The following EYA2 variants were observed in gnomAD, a reference collection of about 807,000 sequenced individuals.
EYA2 encodes protein phosphatase EYA2.
A neutral mutation model predicts 69.2 loss-of-function variants in EYA2; 31 were observed. That is an observed-to-expected ratio of 0.45 (90% CI 0.34 to 0.60). The LOEUF (loss-of-function observed/expected upper bound fraction) is 0.60, where lower values mean the gene tolerates loss of function less well. Among genes scored for constraint, EYA2 ranks in the 20% least tolerant of loss-of-function variants. The pLI is 0.02. For synonymous variants in EYA2, 257 were observed against 279.4 expected (o/e 0.92, Z 0.80); for missense variants, 622 against 701.2 (o/e 0.89, Z 1.28).
At chr20:47,179,574 ATGGAAGGGTGGATGGG>A (rs976732632) in intron 12 of EYA2, among the ~76,000 whole-genome samples, 7 of 111,004 alleles carry the variant, frequency 6.3e-5, no homozygotes, top group African/African-American at 4.5e-4. Context: ...GGATGGATGA[ATGGAAGGGTGGATGGG>A]TGGATGGGTG....
chr20:47,109,500 A>G (rs368957245), intron 9 of EYA2, among the ~76,000 whole-genome samples: 9 of 151,972 alleles, frequency 5.9e-5, no homozygotes, highest in African/African-American at 2.2e-4. Flanking sequence ...TATAGGTGAC[A>G]TTGTTTAAAT....
At chr20:46,974,374 T>A (rs1472186379) in intron 1 of EYA2, among the ~76,000 whole-genome samples, 1 of 152,202 alleles carries the variant, frequency 6.6e-6, no homozygotes, top group Non-Finnish European at 1.5e-5. Context: ...ATGCCCTTGC[T>A]CTGTAGACTC....
intron 10 of EYA2, among the ~76,000 whole-genome samples, chr20:47,162,517 CTTT>C (rs10634442): frequency 1.6e-5 from 2 of 121,594 alleles, no homozygotes; most frequent in African/African-American, 3.2e-5. Flanking sequence ...ACACATTATC[CTTT>C]TTTTTTTTTT....
At chr20:47,162,119 C>T (rs118047863) in intron 10 of EYA2, among the ~76,000 whole-genome samples, 2 of 152,162 alleles carry the variant, frequency 1.3e-5, no homozygotes, top group Non-Finnish European at 2.9e-5. Context: ...TCGTCATCAC[C>T]TGGCATTCTT....
intron 10 of EYA2, among the ~76,000 whole-genome samples, chr20:47,150,233 A>G (rs926199676): frequency 2.0e-5 from 3 of 151,068 alleles, no homozygotes; most frequent in African/African-American, 4.9e-5. Flanking sequence ...GCTTCTCTTC[A>G]CTCCCCTTGC....
At position 46,942,528 on chromosome 20, in the gene EYA2, A is replaced by G. The variant is rs1055765856; in HGVS notation, c.-10-47473A>G. Among the ~76,000 whole-genome samples the G allele has an allele frequency of 4.6e-5, 7 of 152,186 alleles. No individual in the cohort carries two copies. The South Asian group carries it at 1.0e-3, about 23-fold the overall frequency. ...TTGTGTAGTGTGGGTGCCATCCTAAAAGGGAACACCTCAAAAGCCTCCAAA... is the reference window on the plus strand; with the variant it reads ...TTGTGTAGTGTGGGTGCCATCCTAAGAGGGAACACCTCAAAAGCCTCCAAA... On this transcript the variant is annotated intron_variant, in intron 1 of 15. Coordinates refer to ENST00000327619, the MANE Select transcript of EYA2 (RefSeq NM_005244.5).
chr20:47,142,918 G>C (rs763714126), intron 9 of EYA2, 141 bp from the exon 10 acceptor site: 2 of 550,716 alleles, frequency 3.6e-6, no homozygotes, highest in South Asian at 5.1e-5. Flanking sequence ...GCCTCACACA[G>C]AGACTCATTT....
chr20:47,146,747 C>T (rs1231154416), intron 10 of EYA2, among the ~76,000 whole-genome samples: 1 of 152,162 alleles, frequency 6.6e-6, no homozygotes, highest in African/African-American at 2.4e-5. Context: ...CTTTGTTCTC[C>T]GAGCCTGTAG....
At chr20:47,107,146 G>T (rs1345126025) in intron 9 of EYA2, among the ~76,000 whole-genome samples, 2 of 152,102 alleles carry the variant, frequency 1.3e-5, no homozygotes, top group African/African-American at 2.4e-5. Context: ...TGGGGATGCG[G>T]CAGGGAACAA....
intron 1 of EYA2, among the ~76,000 whole-genome samples, chr20:46,989,479 G>A (rs1388386666): frequency 6.6e-6 from 1 of 152,172 alleles, no homozygotes; most frequent in African/African-American, 2.4e-5. Context: ...ATGTTGGCCA[G>A]GATGGTCTCG....
At chr20:47,146,742 T>C (rs2033709511) in intron 10 of EYA2, among the ~76,000 whole-genome samples, 1 of 152,210 alleles carries the variant, frequency 6.6e-6, no homozygotes, top group African/African-American at 2.4e-5. Flanking sequence ...GAAGCCTTTG[T>C]TCTCCGAGCC....
chr20:46,966,199 A>G (rs1036664009), intron 1 of EYA2, among the ~76,000 whole-genome samples: 2 of 152,152 alleles, frequency 1.3e-5, no homozygotes, highest in African/African-American at 2.4e-5. Context: ...TGGTGGCATC[A>G]TAGCCTTGAG....
chr20:46,942,769 GTTTA>G (rs1243147886), intron 1 of EYA2, among the ~76,000 whole-genome samples: 1 of 152,038 alleles, frequency 6.6e-6, no homozygotes, highest in Admixed American at 6.5e-5. Context: ...TTTTTTGTTT[GTTTA>G]TTTGTTTGTT....
At chr20:47,174,059 TA>T (rs1309063681) in intron 12 of EYA2, among the ~76,000 whole-genome samples, 1 of 152,208 alleles carries the variant, frequency 6.6e-6, no homozygotes, top group African/African-American at 2.4e-5. Context: ...GGTTTTTAAC[TA>T]GGGGTGGTAC....
At chr20:46,960,207 T>C (rs1022916460) in intron 1 of EYA2, among the ~76,000 whole-genome samples, 2 of 152,142 alleles carry the variant, frequency 1.3e-5, no homozygotes, top group Non-Finnish European at 2.9e-5. Context: ...TATTCACTCA[T>C]TTCACGCCAC....
chr20:47,018,548 C>G (rs4350812), intron 5 of EYA2, among the ~76,000 whole-genome samples: 39,747 of 152,068 alleles, frequency 0.26, 5,326 homozygotes, highest in South Asian at 0.31. Flanking sequence ...AGCAGGTGGT[C>G]AGGGGCCTCC....
intron 14 of EYA2, among the ~76,000 whole-genome samples, chr20:47,182,817 G>T (rs2034563973): frequency 6.6e-6 from 1 of 150,954 alleles, no homozygotes; most frequent in African/African-American, 2.4e-5. Flanking sequence ...CGTGCCTACA[G>T]TCCCAGTTAC....
Position 47,188,602 on chromosome 20 carries a change from A to T in EYA2, c.*469A>T. 5.0e-6 allele frequency: 2 copies of T among 401,322 alleles called. No individual in the cohort carries two copies. The highest frequency in any genetic ancestry group is 4.4e-6 in the Non-Finnish European group (1 of 226,176). 24.9% of individuals were successfully genotyped at this position (401,322 alleles called of 1,614,324 possible). ...GGTGGTTCACAGTTCTAATGTAAGC[A>T]CTCTATTCTCCAAGTTGTGCTTTGT... On this transcript the variant is annotated 3_prime_UTR_variant, in exon 16 of 16. Transcript: ENST00000327619.
chr20:47,184,240 T>A (rs557289544), intron 15 of EYA2, among the ~76,000 whole-genome samples: 1 of 151,996 alleles, frequency 6.6e-6, no homozygotes, highest in South Asian at 2.1e-4. Flanking sequence ...AGGGGAGAAG[T>A]GATATTGAGG....
Sources: allele counts gnomAD v4.1 joint callset (sites outside exome capture counted in the v4.1 genomes callset), GRCh38; gene constraint gnomAD v4.1.1; transcripts MANE v1.5; gene names NCBI Gene and HGNC (gene_info 2026-07-23, HGNC 2026-07-21).